Variants in PRKCH observed in about 807,000 individuals in gnomAD.
PRKCH encodes the protein protein kinase C eta type.
PRKCH carries 28 observed loss-of-function variants against 82.5 expected under a neutral mutation model. The observed-to-expected ratio is 0.34, with a 90% CI of 0.25 to 0.47. The LOEUF is 0.47. PRKCH is among the 20% of genes least tolerant of loss of function. PRKCH has a pLI of 1.00. For missense variants in PRKCH, 705 were observed against 881.8 expected, an observed-to-expected ratio of 0.80 and a Z score of 2.54; for synonymous variants, 322 against 327.4, an observed-to-expected ratio of 0.98 and a Z score of 0.18.
intron 1 of PRKCH, among the ~76,000 whole-genome samples, chr14:61,312,772 G>T (rs535465853): frequency 1.3e-5 from 2 of 152,040 alleles, no homozygotes; most frequent in Admixed American, 6.5e-5. Flanking sequence ...CCCATGATTC[G>T]ATTACCTCCC....
intron 1 of PRKCH, among the ~76,000 whole-genome samples, chr14:61,253,620 A>G (rs1260791250): frequency 6.6e-6 from 1 of 152,212 alleles, no homozygotes; most frequent in Non-Finnish European, 1.5e-5. Context: ...TGTCCTCTTT[A>G]CACACTGTGT....
chr14:61,446,043 T>G (rs1295104008), intron 4 of PRKCH, among the ~76,000 whole-genome samples: 1 of 152,342 alleles, frequency 6.6e-6, no homozygotes, highest in East Asian at 1.9e-4. Context: ...ATTTTGAAGA[T>G]AAACTTTTGT....
At chr14:61,405,814 T>C (rs1483293324) in intron 2 of PRKCH, among the ~76,000 whole-genome samples, 1 of 152,184 alleles carries the variant, frequency 6.6e-6, no homozygotes, top group South Asian at 2.1e-4. Flanking sequence ...AGGGACTTAG[T>C]ATATAGCTTT....
At chr14:61,443,442 AT>A (rs1207156572) in intron 3 of PRKCH, among the ~76,000 whole-genome samples, 181 bp downstream of exon 3, 1 of 152,230 alleles carries the variant, frequency 6.6e-6, no homozygotes, top group Non-Finnish European at 1.5e-5. Context: ...CATCTAAATA[AT>A]TTACAGATCC....
chr14:61,416,111 G>T, intron 2 of PRKCH, among the ~76,000 whole-genome samples: 1 of 134,676 alleles, frequency 7.4e-6, no homozygotes. Context: ...TTGGTGCAGT[G>T]GCATGATCTT....
chr14:61,273,029 T>TA lies in PRKCH; in HGVS notation c.-19+85368dup, dbSNP rs1566802026. On this transcript the variant is annotated intron_variant, in intron 1 of 3. Transcript: ENST00000555185. ...TCCTGCCCAGTAACATATATTACTTTAAAAAAATAAAAATACCTTTCCCTT... is the reference window on the plus strand; with the variant it reads ...TCCTGCCCAGTAACATATATTACTTTAAAAAAAATAAAAATACCTTTCCCTT... Among the ~76,000 whole-genome samples, 6 of 152,270 alleles carry TA rather than the reference T, an allele frequency of 3.9e-5. No homozygotes were observed. The South Asian group carries it at 1.2e-3, about 32-fold the overall frequency.
At chr14:61,548,954 C>A (rs1330969655) in intron 13 of PRKCH, among the ~76,000 whole-genome samples, 1 of 151,840 alleles carries the variant, frequency 6.6e-6, no homozygotes, top group Non-Finnish European at 1.5e-5. Flanking sequence ...ATCTTTGCAG[C>A]GTTTGTTTAT....
chr14:61,457,658 G>T lies in PRKCH; in HGVS notation c.1257G>T (p.Leu419Phe). The change falls in exon 9 of 14, where the codon TTG (leucine) becomes TTT (phenylalanine). Residue 419 changes from leucine to phenylalanine, a missense_variant. Around this residue, in one of 5 missense-constraint regions of PRKCH, gnomAD observed 238 missense variants for 258.1 expected, o/e 0.92. Coordinates refer to ENST00000332981, the MANE Select transcript of PRKCH (RefSeq NM_006255.5). ...GCAATCACCCCTTCCTCACTCAGTT[G>T]TTCTGCTGCTTTCAGACCCCCGTAA... ...LARNHPFLTQ[L>F]FCCFQTPDRL... 6.2e-7 allele frequency: 1 copy of T among 1,614,118 alleles called. No homozygotes were observed. The highest frequency in any genetic ancestry group is 1.1e-5 in the South Asian group (1 of 91,074).
At chr14:61,488,933 C>A (rs1254509698) in intron 10 of PRKCH, among the ~76,000 whole-genome samples, 1 of 152,196 alleles carries the variant, frequency 6.6e-6, no homozygotes, top group Non-Finnish European at 1.5e-5. Flanking sequence ...CAGGCTCTAA[C>A]TGATATGGTT....
At chr14:61,480,472 C>T (rs939705035) in intron 9 of PRKCH, among the ~76,000 whole-genome samples, 7 of 152,170 alleles carry the variant, frequency 4.6e-5, no homozygotes, top group Non-Finnish European at 8.8e-5. Flanking sequence ...AAATACAGGT[C>T]TTTGCTTTGT....
chr14:61,256,787 T>A (rs900204808), intron 1 of PRKCH, among the ~76,000 whole-genome samples: 3 of 152,214 alleles, frequency 2.0e-5, no homozygotes, highest in African/African-American at 7.2e-5. Context: ...AGAAACCTTA[T>A]ATACCACTTA....
intron 1 of PRKCH, among the ~76,000 whole-genome samples, chr14:61,259,779 C>T (rs946937130): frequency 6.6e-6 from 1 of 152,078 alleles, no homozygotes; most frequent in African/African-American, 2.4e-5. Flanking sequence ...AATCCTAGTT[C>T]CAATTTGAAT....
chr14:61,268,614 G>C (rs562725824), intron 1 of PRKCH, among the ~76,000 whole-genome samples: 1 of 152,268 alleles, frequency 6.6e-6, no homozygotes, highest in East Asian at 1.9e-4. Flanking sequence ...GTTACAGAGA[G>C]CCGAGATCGT....
At chr14:61,213,408 G>T (rs1003726229) in intron 1 of PRKCH, among the ~76,000 whole-genome samples, 1 of 152,200 alleles carries the variant, frequency 6.6e-6, no homozygotes, top group Non-Finnish European at 1.5e-5. Flanking sequence ...AGAATGCAGA[G>T]TTGCCAAACT....
At chr14:61,473,791 G>A (rs1027860320) in intron 9 of PRKCH, among the ~76,000 whole-genome samples, 3 of 152,032 alleles carry the variant, frequency 2.0e-5, no homozygotes, top group Non-Finnish European at 4.4e-5. Context: ...TCAGGAGTTC[G>A]AGACCAGCCT....
At chr14:61,529,309 A>T in intron 11 of PRKCH, 96 bp downstream of exon 11, 1 of 1,441,478 alleles carries the variant, frequency 6.9e-7, no homozygotes, top group Non-Finnish European at 9.3e-7. Flanking sequence ...GCAGCTTTGG[A>T]GGCAGCATTG....
chr14:61,548,837 G>A (rs2043292290), intron 13 of PRKCH, among the ~76,000 whole-genome samples: 1 of 148,386 alleles, frequency 6.7e-6, no homozygotes, highest in Admixed American at 6.8e-5. Context: ...GCTCCAGCCT[G>A]GGCAACTGAG....
chr14:61,452,436 C>T (rs1884554079), intron 6 of PRKCH, among the ~76,000 whole-genome samples: 1 of 152,092 alleles, frequency 6.6e-6, no homozygotes, highest in Non-Finnish European at 1.5e-5. Context: ...GCTTCAGTTT[C>T]ACCTCCCATC....
intron 9 of PRKCH, among the ~76,000 whole-genome samples, chr14:61,480,160 C>T (rs1411450871): frequency 6.6e-5 from 10 of 152,150 alleles, no homozygotes; most frequent in Non-Finnish European, 1.5e-4. Context: ...TTTAGAAAAA[C>T]CAAAATGGTT....
Sources: gnomAD v4.1 joint callset for allele counts (sites outside exome capture counted in the v4.1 genomes callset) on GRCh38, gnomAD v4.1.1 for gene constraint, gnomAD v4.1.1 regional missense constraint, MANE v1.5 for transcripts, NCBI Gene and HGNC (gene_info 2026-07-23, HGNC 2026-07-21) for gene names.